Variants in RBFOX2 observed in about 807,000 individuals in gnomAD.
RBFOX2 encodes RNA binding fox-1 homolog 2.
In RBFOX2, 10 loss-of-function variants were observed where a neutral mutation model predicts 49.1. The observed-to-expected ratio is 0.20, with a 90% CI of 0.13 to 0.35. RBFOX2 has a LOEUF of 0.35. RBFOX2 is among the 10% of genes least tolerant of loss of function. The pLI, the probability that RBFOX2 is intolerant of heterozygous loss-of-function variation, is 1.00. For missense variants in RBFOX2, 323 were observed against 486.9 expected (o/e 0.66, Z 3.17); for synonymous variants, 183 against 187.4 (o/e 0.98, Z 0.19).
intron 2 of RBFOX2, among the ~76,000 whole-genome samples, chr22:35,805,613 C>T (rs552682670): frequency 1.7e-4 from 26 of 152,142 alleles, no homozygotes; most frequent in Non-Finnish European, 2.9e-4. Flanking sequence ...ATCCAGCAAT[C>T]ATGGCCCTTG....
intron 1 of RBFOX2, among the ~76,000 whole-genome samples, chr22:35,867,410 A>C (rs1045064436): frequency 2.0e-5 from 3 of 152,206 alleles, no homozygotes; most frequent in African/African-American, 7.2e-5. Context: ...GATGACACCT[A>C]ATGTTTGTAA....
chr22:35,977,055 T>G (rs190308785), intron 1 of RBFOX2, among the ~76,000 whole-genome samples: 1 of 151,544 alleles, frequency 6.6e-6, no homozygotes, highest in Non-Finnish European at 1.5e-5. Flanking sequence ...ATCAAAGAGA[T>G]ATGACTGACA....
chr22:35,999,984 TA>T (rs2058343767), intron 1 of RBFOX2: 3 of 85,252 alleles, frequency 3.5e-5, no homozygotes, highest in Non-Finnish European at 8.2e-5. Flanking sequence ...ATATAAAAGT[TA>T]TATATATATA....
At chr22:35,865,980 G>T (rs2043636513) in intron 1 of RBFOX2, among the ~76,000 whole-genome samples, 1 of 152,200 alleles carries the variant, frequency 6.6e-6, no homozygotes, top group Non-Finnish European at 1.5e-5. Flanking sequence ...TAGCCAGTGT[G>T]TCTAAGATGG....
chr22:35,935,347 T>C (rs752692695), intron 1 of RBFOX2, among the ~76,000 whole-genome samples: 9 of 152,182 alleles, frequency 5.9e-5, no homozygotes, highest in Non-Finnish European at 1.2e-4. Context: ...TTAGAAAGTA[T>C]AGTGAAATGC....
intron 1 of RBFOX2, among the ~76,000 whole-genome samples, chr22:35,933,926 TTATATATATA>T (rs3075245): frequency 1.1e-4 from 13 of 118,008 alleles, no homozygotes; most frequent in African/African-American, 3.9e-4. Flanking sequence ...TAATTAAATG[TTATATATATA>T]TATATATATA....
At chr22:35,820,310 T>C (rs1305635275) in intron 1 of RBFOX2, among the ~76,000 whole-genome samples, 2 of 152,234 alleles carry the variant, frequency 1.3e-5, no homozygotes, top group Non-Finnish European at 2.9e-5. Flanking sequence ...GAGGGTTTGG[T>C]GCAGGTGGTA....
At chr22:35,852,370 A>C (rs2042037954) in intron 1 of RBFOX2, among the ~76,000 whole-genome samples, 1 of 152,054 alleles carries the variant, frequency 6.6e-6, no homozygotes, top group Non-Finnish European at 1.5e-5. Context: ...ATGGTAATTA[A>C]GAAATAACAA....
chr22:35,770,387 G>C (rs1256892936), intron 4 of RBFOX2, among the ~76,000 whole-genome samples: 3 of 151,724 alleles, frequency 2.0e-5, no homozygotes. Context: ...CTAAGACCTA[G>C]GTTTTTGATA....
At chr22:35,825,246 G>C (rs1955407462) in intron 1 of RBFOX2, among the ~76,000 whole-genome samples, 1 of 152,142 alleles carries the variant, frequency 6.6e-6, no homozygotes, top group Non-Finnish European at 1.5e-5. Context: ...GCATCAGATA[G>C]TCAAATTAAT....
At chr22:35,935,071 A>G (rs1025539060) in intron 1 of RBFOX2, among the ~76,000 whole-genome samples, 1 of 152,128 alleles carries the variant, frequency 6.6e-6, no homozygotes, top group Non-Finnish European at 1.5e-5. Context: ...AGTAGCTGGG[A>G]CTACAGGCAC....
intron 1 of RBFOX2, among the ~76,000 whole-genome samples, chr22:36,009,908 A>G (rs2058750868): frequency 6.6e-6 from 1 of 152,236 alleles, no homozygotes; most frequent in Non-Finnish European, 1.5e-5. Context: ...AGGTGGAATA[A>G]GAAAATACCA....
At chr22:36,010,408 T>C (rs980333878) in intron 1 of RBFOX2, among the ~76,000 whole-genome samples, 5 of 151,952 alleles carry the variant, frequency 3.3e-5, no homozygotes, top group African/African-American at 4.8e-5. Flanking sequence ...CCACAGAGAC[T>C]GCGCGGGCCT....
intron 4 of RBFOX2, among the ~76,000 whole-genome samples, chr22:35,776,792 T>C (rs1944013879): frequency 6.6e-6 from 1 of 152,150 alleles, no homozygotes; most frequent in Admixed American, 6.6e-5. Flanking sequence ...GGCTTGGCTA[T>C]GGCTGATGGT....
intron 1 of RBFOX2, among the ~76,000 whole-genome samples, chr22:36,002,022 C>T (rs549569894): frequency 1.3e-5 from 2 of 152,172 alleles, no homozygotes. Context: ...CGAGATTGTG[C>T]CACTGCACTC....
At chr22:35,925,763 A>G (rs1361978281) in intron 1 of RBFOX2, among the ~76,000 whole-genome samples, 1 of 152,238 alleles carries the variant, frequency 6.6e-6, no homozygotes. Flanking sequence ...AGTACCTTAC[A>G]CAAAACAGAA....
intron 1 of RBFOX2, among the ~76,000 whole-genome samples, chr22:35,951,367 T>A (rs1414979326): frequency 6.8e-6 from 1 of 147,802 alleles, no homozygotes; most frequent in Non-Finnish European, 1.5e-5. Flanking sequence ...TGCCTCAGCC[T>A]CCTGAGTAGC....
At chr22:35,865,510 C>A (rs1241210659) in intron 1 of RBFOX2, among the ~76,000 whole-genome samples, 1 of 152,082 alleles carries the variant, frequency 6.6e-6, no homozygotes, top group Non-Finnish European at 1.5e-5. Flanking sequence ...TTCAAAAAGC[C>A]TGGAAAACTA....
At chr22:35,796,150 G>T (rs911277915) in intron 2 of RBFOX2, among the ~76,000 whole-genome samples, 2 of 152,030 alleles carry the variant, frequency 1.3e-5, no homozygotes, top group African/African-American at 2.4e-5. Context: ...ACAAAGAAAA[G>T]AATCTTCTAT....
Sources: gnomAD v4.1 joint callset for allele counts (sites outside exome capture counted in the v4.1 genomes callset) on GRCh38, gnomAD v4.1.1 for gene constraint, MANE v1.5 for transcripts, NCBI Gene and HGNC (gene_info 2026-07-23, HGNC 2026-07-21) for gene names.